The following RPAP2 variants were observed in gnomAD, a reference collection of about 807,000 sequenced individuals.
The protein encoded by RPAP2 is putative RNA polymerase II subunit B1 CTD phosphatase RPAP2.
Under a neutral mutation model 73.1 loss-of-function variants are expected in RPAP2, and 52 were observed. That is an observed-to-expected ratio of 0.71 (90% CI 0.57 to 0.90). The LOEUF is 0.90. Among genes scored for constraint, RPAP2 ranks in the 40% least tolerant of loss-of-function variants. The pLI, the probability that RPAP2 is intolerant of heterozygous loss-of-function variation, is 0.00. For synonymous variants in RPAP2, 225 were observed against 242.1 expected, an observed-to-expected ratio of 0.93 and a Z score of 0.65; for missense variants, 598 against 701.8, an observed-to-expected ratio of 0.85 and a Z score of 1.67.
At position 92,399,702 on chromosome 1, in the gene RPAP2, A is replaced by T. The variant is rs1381141761; in HGVS notation, c.*12691A>T. The T allele has an allele frequency of 6.6e-6, 1 of 152,192 alleles. No individual in the cohort carries two copies. Among genetic ancestry groups the T allele is most frequent in the East Asian group, 1.9e-4 (1 of 5,186 alleles). 9.4% of individuals were successfully genotyped at this position (152,192 alleles called of 1,614,324 possible). ...TTTATATGAAAAAGCATAGCCTATG[A>T]TCTGTCACCTTGCTCACTCCCACAT... On this transcript the variant is annotated 3_prime_UTR_variant, in exon 13 of 13. Transcript: ENST00000610020.
intron 5 of RPAP2, among the ~76,000 whole-genome samples, chr1:92,305,256 T>C (rs987425426): frequency 6.6e-6 from 1 of 151,044 alleles, no homozygotes; most frequent in African/African-American, 2.4e-5. Context: ...CACAGTGAAA[T>C]CCCATCTCTA....
chr1:92,344,769 T>A (rs1321988155), intron 10 of RPAP2, among the ~76,000 whole-genome samples: 1 of 152,226 alleles, frequency 6.6e-6, no homozygotes. Flanking sequence ...GTCTTTCATT[T>A]TTCCAGGTGG....
chr1:92,322,630 T>G (rs529040753), intron 7 of RPAP2, among the ~76,000 whole-genome samples: 177 of 152,114 alleles, frequency 1.2e-3, no homozygotes, highest in Non-Finnish European at 2.3e-3. Flanking sequence ...ATTCCAGCAC[T>G]TTGGGAGGCC....
rs1260730065 is a variant in RPAP2 at position 92,393,659 on chromosome 1, G to C, written c.*6648G>C. 1 of 152,134 alleles carries C rather than the reference G, an allele frequency of 6.6e-6. No individual in the cohort carries two copies. The highest frequency in any genetic ancestry group is 1.5e-5 in the Non-Finnish European group (1 of 68,018). The allele number at this position is 152,134 out of a possible 1,614,324, so 9.4% of individuals were successfully genotyped here. A position where few individuals can be genotyped will look rare whatever the true frequency, so the allele number is the denominator to read the frequency against. On this transcript the variant is annotated 3_prime_UTR_variant, in exon 13 of 13. Transcript: ENST00000610020. ...AAAGCAAACAACCCCATCAAAAAATGGGCAAAGGATATGAACAGATACTTC... is the reference window on the plus strand; with the variant it reads ...AAAGCAAACAACCCCATCAAAAAATCGGCAAAGGATATGAACAGATACTTC...
intron 11 of RPAP2, among the ~76,000 whole-genome samples, chr1:92,352,812 T>G (rs758498865): frequency 3.9e-5 from 6 of 152,196 alleles, no homozygotes; most frequent in Non-Finnish European, 8.8e-5. Flanking sequence ...AGAACATTTC[T>G]GTCACCCAAA....
chr1:92,360,667 C>T (rs1380702294), intron 11 of RPAP2, among the ~76,000 whole-genome samples: 1 of 152,094 alleles, frequency 6.6e-6, no homozygotes, highest in Non-Finnish European at 1.5e-5. Flanking sequence ...ACCCACTTTC[C>T]TACATATCTG....
At chr1:92,363,934 G>C (rs1654831037) in intron 11 of RPAP2, among the ~76,000 whole-genome samples, 1 of 152,000 alleles carries the variant, frequency 6.6e-6, no homozygotes, top group African/African-American at 2.4e-5. Flanking sequence ...TTGTCTCTAA[G>C]GCTTCTGGTC....
chr1:92,299,402 G>GT (rs1380879269), intron 1 of RPAP2, among the ~76,000 whole-genome samples: 1 of 152,168 alleles, frequency 6.6e-6, no homozygotes, highest in African/African-American at 2.4e-5. Context: ...ACAAAGGACA[G>GT]TGGAGGCCCC....
At chr1:92,332,679 T>TA (rs1223760075) in intron 8 of RPAP2, among the ~76,000 whole-genome samples, 1 of 152,166 alleles carries the variant, frequency 6.6e-6, no homozygotes, top group African/African-American at 2.4e-5. Flanking sequence ...TTCCTATTCT[T>TA]ACTGTTATTC....
intron 11 of RPAP2, among the ~76,000 whole-genome samples, chr1:92,353,287 G>GT (rs552162902): frequency 6.6e-6 from 1 of 152,124 alleles, no homozygotes; most frequent in Non-Finnish European, 1.5e-5. Context: ...CACAGTGGTT[G>GT]TATCATTTTA....
intron 11 of RPAP2, among the ~76,000 whole-genome samples, chr1:92,367,765 CAT>C (rs1333983511): frequency 5.3e-5 from 8 of 152,174 alleles, no homozygotes; most frequent in Admixed American, 4.6e-4. Flanking sequence ...ATTTTATTCA[CAT>C]AGACATTCTC....
rs1474498091 is a variant in RPAP2 at position 92,389,450 on chromosome 1, A to G, written c.*2439A>G. ...AAAGATGGGGAGAAACCAGACCAGA[A>G]AGGCTGAAAATTCCAAAAACCAGAA... On this transcript the variant is annotated 3_prime_UTR_variant, in exon 13 of 13. Transcript: ENST00000610020. 2.0e-5 allele frequency: 3 copies of G among 152,192 alleles called. No homozygotes were observed. The highest frequency in any genetic ancestry group is 4.4e-5 in the Non-Finnish European group (3 of 68,026). The allele number at this position is 152,192 out of a possible 1,614,324, so 9.4% of individuals were successfully genotyped here. A position where few individuals can be genotyped will look rare whatever the true frequency, so the allele number is the denominator to read the frequency against.
intron 6 of RPAP2, among the ~76,000 whole-genome samples, chr1:92,310,537 A>T (rs566399716): frequency 6.6e-6 from 1 of 152,184 alleles, no homozygotes; most frequent in African/African-American, 2.4e-5. Context: ...TTAGCTTACA[A>T]TGAGTCATGA....
chr1:92,334,912 C>T (rs998937951), intron 9 of RPAP2, among the ~76,000 whole-genome samples: 2 of 152,116 alleles, frequency 1.3e-5, no homozygotes, highest in African/African-American at 2.4e-5. Flanking sequence ...GGCCCGAACC[C>T]AGGAGGCGGA....
intron 11 of RPAP2, among the ~76,000 whole-genome samples, chr1:92,368,710 T>G (rs1655027264): frequency 6.6e-6 from 1 of 152,252 alleles, no homozygotes; most frequent in African/African-American, 2.4e-5. Flanking sequence ...ATAATTCCTG[T>G]TAACCAGATG....
At chr1:92,316,331 T>A (rs1002544529) in intron 6 of RPAP2, among the ~76,000 whole-genome samples, 2 of 152,154 alleles carry the variant, frequency 1.3e-5, no homozygotes, top group Non-Finnish European at 2.9e-5. Flanking sequence ...TGTTGCTTGG[T>A]ATGCAGAATA....
intron 11 of RPAP2, among the ~76,000 whole-genome samples, chr1:92,357,311 C>T (rs1654525669): frequency 6.6e-6 from 1 of 151,972 alleles, no homozygotes; most frequent in Non-Finnish European, 1.5e-5. Context: ...AAGAAAAAGG[C>T]ACAAAATATT....
chr1:92,353,025 T>C (rs1374473552), intron 11 of RPAP2, among the ~76,000 whole-genome samples: 2 of 152,254 alleles, frequency 1.3e-5, no homozygotes, highest in African/African-American at 4.8e-5. Flanking sequence ...GTAACAGTAC[T>C]TCATTCCTTT....
chr1:92,365,435 G>A (rs1430388092), intron 11 of RPAP2, among the ~76,000 whole-genome samples: 5 of 152,122 alleles, frequency 3.3e-5, no homozygotes, highest in African/African-American at 1.2e-4. Flanking sequence ...TTGATTCATT[G>A]GTCTTGGGTG....
Sources: gnomAD v4.1 joint callset for allele counts (sites outside exome capture counted in the v4.1 genomes callset) on GRCh38, gnomAD v4.1.1 for gene constraint, MANE v1.5 for transcripts, NCBI Gene and HGNC (gene_info 2026-07-23, HGNC 2026-07-21) for gene names.